ZDHHC5: variants seen among roughly 807,000 people sequenced by gnomAD.
ZDHHC5 encodes the protein palmitoyltransferase ZDHHC5.
A neutral mutation model predicts 70.0 loss-of-function variants in ZDHHC5; 22 were observed. The observed-to-expected ratio is 0.31, with a 90% CI of 0.22 to 0.45. The LOEUF is 0.45. Ranked by LOEUF, ZDHHC5 falls within the 20% of genes least tolerant of loss-of-function variation. ZDHHC5 has a pLI of 1.00. For synonymous variants in ZDHHC5, 313 were observed against 347.8 expected, an observed-to-expected ratio of 0.90 and a Z score of 1.11; for missense variants, 746 against 926.9, an observed-to-expected ratio of 0.80 and a Z score of 2.53.
chr11:57,682,022 C>T (rs996838067), intron 2 of ZDHHC5, among the ~76,000 whole-genome samples: 3 of 152,310 alleles, frequency 2.0e-5, no homozygotes, highest in African/African-American at 7.2e-5. Context: ...TGGGACATAG[C>T]TGGGATCCAG....
chr11:57,690,761 C>T (rs956407956), intron 6 of ZDHHC5, among the ~76,000 whole-genome samples: 3 of 152,130 alleles, frequency 2.0e-5, no homozygotes, highest in Admixed American at 6.5e-5. Flanking sequence ...GAAAACCAAA[C>T]ACCGCATGTT....
In ZDHHC5 at chr11:57,684,545, T is replaced by A. The variant is rs1197959187; in HGVS notation, c.226+2002T>A. Among the ~76,000 whole-genome samples, 3 of 152,102 alleles carry A rather than the reference T, an allele frequency of 2.0e-5. 1 individual carries two copies. Among genetic ancestry groups the A allele is most frequent in the African/African-American group, 7.2e-5 (3 of 41,424 alleles). ...TTTAGGATACAGAATTTAGCTTGTTTGTAGCATGCAGAGATGGAACCAGAG... is the reference window on the plus strand; with the variant it reads ...TTTAGGATACAGAATTTAGCTTGTTAGTAGCATGCAGAGATGGAACCAGAG... On this transcript the variant is annotated intron_variant, in intron 3 of 11. Coordinates refer to ENST00000287169, the MANE Select transcript of ZDHHC5 (RefSeq NM_015457.3).
chr11:57,678,743 G>A (rs1488367451), intron 2 of ZDHHC5, among the ~76,000 whole-genome samples: 1 of 152,030 alleles, frequency 6.6e-6, no homozygotes, highest in African/African-American at 2.4e-5. Flanking sequence ...GCTGGTCATG[G>A]TGGCATGCAC....
In ZDHHC5 at chr11:57,688,671, C is replaced by G. The variant is rs143490442; in HGVS notation, c.384+6C>G. ...TCTGTGACAACTGTGTGGAGGTAAGCACCCTGGGTGGGGTAAGACTTCATG... is the reference window on the plus strand; with the variant it reads ...TCTGTGACAACTGTGTGGAGGTAAGGACCCTGGGTGGGGTAAGACTTCATG... On this transcript the variant is annotated splice_donor_region_variant and intron_variant, in intron 4 of 11. Coordinates refer to ENST00000287169, the MANE Select transcript of ZDHHC5 (RefSeq NM_015457.3). 1.3e-6 allele frequency: 2 copies of G among 1,590,388 alleles called. No individual in the cohort carries two copies. The highest frequency in any genetic ancestry group is 2.7e-5 in the African/African-American group (2 of 74,224).
chr11:57,695,268 A>T (rs530108491), intron 8 of ZDHHC5, among the ~76,000 whole-genome samples: 30 of 152,082 alleles, frequency 2.0e-4, no homozygotes, highest in Non-Finnish European at 1.5e-4. Context: ...TCTCAAAAAA[A>T]AATTAGCCAG....
Position 57,698,804 on chromosome 11 carries a change from T to C in ZDHHC5, c.1368T>C (p.Tyr456=), listed in dbSNP as rs1269557260. 3 of 1,614,184 alleles carry C rather than the reference T, an allele frequency of 1.9e-6. No individual in the cohort carries two copies. In the South Asian group the frequency reaches 3.3e-5, roughly 18 times the overall value. ...CAGAGGGCACCACCTCCACCTCCTA[T>C]AAGAGCCTGGCCAACCAGACACGCA... ...IRSEGTTSTS[Y]KSLANQTRNG... is the part of the protein sequence containing the mutation. Residue 456 remains tyrosine, a synonymous_variant, in exon 11 of 12, where the codon TAT becomes TAC. Coordinates refer to ENST00000287169, the MANE Select transcript of ZDHHC5 (RefSeq NM_015457.3).
intron 1 of ZDHHC5, among the ~76,000 whole-genome samples, chr11:57,669,808 G>T (rs1436247445): frequency 6.6e-6 from 1 of 152,192 alleles, no homozygotes; most frequent in East Asian, 1.9e-4. Context: ...GATTCAAACT[G>T]TTGACTCTGA....
At position 57,688,635 on chromosome 11, in the gene ZDHHC5, C is replaced by T. The variant is rs377349008; in HGVS notation, c.354C>T (p.Ser118=). The T allele has an allele frequency of 1.2e-6, 2 of 1,609,756 alleles. No homozygotes were observed. The highest frequency in any genetic ancestry group is 2.7e-5 in the African/African-American group (2 of 74,922). Residue 118 remains serine, a synonymous_variant, in exon 4 of 12, where the codon TCC becomes TCT. Coordinates refer to ENST00000287169, the MANE Select transcript of ZDHHC5 (RefSeq NM_015457.3). ...TCRFYRPPRC[S]HCSVCDNCVE... ...GCTTTTACCGTCCCCCTCGATGTTC[C>T]CACTGCAGTGTCTGTGACAACTGTG... is the stretch of plus-strand genomic sequence containing the variant.
chr11:57,688,909 T>C (rs973706170), intron 4 of ZDHHC5, among the ~76,000 whole-genome samples: 10 of 152,180 alleles, frequency 6.6e-5, no homozygotes, highest in African/African-American at 2.4e-4. Flanking sequence ...TTTTTACTTT[T>C]TGTAGTGATG....
At chr11:57,668,682 C>T (rs140732667) in intron 1 of ZDHHC5, 65 of 152,626 alleles carry the variant, frequency 4.3e-4, no homozygotes, top group Middle Eastern at 3.4e-3. Context: ...TCGCTCCACT[C>T]TGCTGATACT....
intron 5 of ZDHHC5, 34 bp downstream of exon 5, chr11:57,690,237 G>A: frequency 5.6e-6 from 9 of 1,613,166 alleles, no homozygotes; most frequent in Non-Finnish European, 5.9e-6. Flanking sequence ...TGTGGGATTG[G>A]AAGGGGGAGG....
rs539108587 is a variant in ZDHHC5, at chr11:57,700,695, AGAG to A, written c.*668_*670del. On this transcript the variant is annotated 3_prime_UTR_variant, in exon 12 of 12. Transcript: ENST00000287169. ...TTGGTCACAAGAGGGAAGGACTTGG[AGAG>A]GAGAATTAGTTTTCTAGGCTCATTG... is the stretch of plus-strand genomic sequence containing the variant. 5.2e-5 allele frequency: 8 copies of A among 152,574 alleles called. No individual in the cohort carries two copies. The highest frequency in any genetic ancestry group is 1.9e-4 in the African/African-American group (8 of 41,434). The allele number at this position is 152,574 out of a possible 1,614,324, so 9.5% of individuals were successfully genotyped here.
rs1946396736 is a variant in ZDHHC5, at chr11:57,698,976, A to G, written c.1540A>G (p.Arg514Gly). The part of the protein sequence containing the change: ...ARLAQQREAE[R>G]HPRLVPTGPT... ...GCTGGCCCAGCAACGGGAAGCTGAG[A>G]GGCACCCACGTTTGGTGCCAACTGG... Residue 514 changes from arginine to glycine, a missense_variant, in exon 11 of 12, where the codon AGG (arginine) becomes GGG (glycine). By Grantham distance (125) the Arg-to-Gly change is moderately radical (BLOSUM62 -2). Around this residue, in one of 6 missense-constraint regions of ZDHHC5, gnomAD observed 340 missense variants for 350.1 expected, o/e 0.97. Transcript: ENST00000287169. 1 of 1,611,848 alleles carries G rather than the reference A, an allele frequency of 6.2e-7. No homozygotes were observed. Among genetic ancestry groups the G allele is most frequent in the South Asian group, 1.1e-5 (1 of 91,078 alleles).
intron 8 of ZDHHC5, 44 bp from the exon 9 acceptor site, chr11:57,695,876 T>C: frequency 1.3e-6 from 2 of 1,599,536 alleles, no homozygotes; most frequent in Non-Finnish European, 1.7e-6. Flanking sequence ...GTTGCCATAA[T>C]GCTCAATTTC....
At chr11:57,689,668 G>A (rs954243652) in intron 4 of ZDHHC5, among the ~76,000 whole-genome samples, 20 of 148,244 alleles carry the variant, frequency 1.3e-4, no homozygotes, top group African/African-American at 4.8e-4. Flanking sequence ...GAGCCACCGC[G>A]CCCGGCCAAT....
rs1262248220 is a variant in ZDHHC5 at position 57,699,973 on chromosome 11, G to T, written c.2090G>T (p.Arg697Met). Residue 697 changes from arginine to methionine, a missense_variant, in exon 12 of 12, where the codon AGG becomes ATG. Physicochemically the swap from Arg to Met is moderately conservative, Grantham distance 91 (BLOSUM62 -1). Transcript: ENST00000287169. ...CAGCCACCTCTCAGTAGCCCCACGA[G>T]GGGAGGAGTCAAGAAGGTGTCAGGG... ...PGQPPLSSPT[R>M]GGVKKVSGVG... is the part of the protein sequence containing the mutation. 2.5e-6 allele frequency: 4 copies of T among 1,613,524 alleles called. No individual in the cohort carries two copies. The highest frequency in any genetic ancestry group is 2.7e-5 in the African/African-American group (2 of 75,038).
chr11:57,674,332 T>TA (rs1555005081), intron 2 of ZDHHC5, among the ~76,000 whole-genome samples: 1 of 151,748 alleles, frequency 6.6e-6, no homozygotes, highest in Non-Finnish European at 1.5e-5. Context: ...TTTTTTTTTT[T>TA]ATTAAGCTCT....
intron 2 of ZDHHC5, 108 bp from the exon 3 acceptor site, chr11:57,682,314 A>C: frequency 8.5e-6 from 12 of 1,417,306 alleles, no homozygotes; most frequent in Non-Finnish European, 1.1e-5. Flanking sequence ...GGTAAACCAC[A>C]CAAGATTTAT....
At chr11:57,699,509 T>C in intron 11 of ZDHHC5, 91 bp downstream of exon 11, 9 of 1,499,542 alleles carry the variant, frequency 6.0e-6, no homozygotes, top group Non-Finnish European at 7.1e-6. Flanking sequence ...TACATCCTAA[T>C]GTAGGTGGAC....
Sources: gnomAD v4.1 joint callset for allele counts (sites outside exome capture counted in the v4.1 genomes callset) on GRCh38, gnomAD v4.1.1 for gene constraint, gnomAD v4.1.1 regional missense constraint, MANE v1.5 for transcripts, NCBI Gene and HGNC (gene_info 2026-07-23, HGNC 2026-07-21) for gene names.